ARHGAP6: variants seen among roughly 807,000 people sequenced by gnomAD.
ARHGAP6 encodes the protein rho GTPase-activating protein 6.
A neutral mutation model predicts 55.7 loss-of-function variants in ARHGAP6; 16 were observed. The observed-to-expected ratio is 0.29, with a 90% CI of 0.19 to 0.44. ARHGAP6 has a LOEUF of 0.44. Ranked by LOEUF, ARHGAP6 falls within the 20% of genes least tolerant of loss-of-function variation. The pLI is 1.00. For synonymous variants in ARHGAP6, 382 were observed against 360.9 expected (o/e 1.06, Z -0.66); for missense variants, 698 against 808.9 (o/e 0.86, Z 1.66).
chrX:11,589,294 G>A (rs1022448160), intron 1 of ARHGAP6, among the ~76,000 whole-genome samples: 20 of 108,687 alleles, frequency 1.8e-4, no homozygotes, highest in Admixed American at 9.0e-4. Context: ...CTCCCGCCTC[G>A]GCCTCCCAAA....
At chrX:11,430,958 G>A (rs1042774289) in intron 1 of ARHGAP6, among the ~76,000 whole-genome samples, 47 of 111,589 alleles carry the variant, frequency 4.2e-4, no homozygotes, top group African/African-American at 1.5e-3. Flanking sequence ...TGCATACTAT[G>A]CACAGGTATT....
At chrX:11,199,589 A>G (rs1283216021) in intron 2 of ARHGAP6, among the ~76,000 whole-genome samples, 1 of 112,526 alleles carries the variant, frequency 8.9e-6, no homozygotes, top group East Asian at 2.8e-4. Context: ...AAGCTTTTCA[A>G]AATAGTTTTG....
chrX:11,265,787 G>C, intron 1 of ARHGAP6: 1 of 926,699 alleles, frequency 1.1e-6, no homozygotes, highest in Non-Finnish European at 1.4e-6. Flanking sequence ...TATTTTTTTG[G>C]TAAAAAATGC....
At chrX:11,410,869 T>G (rs62590053) in intron 1 of ARHGAP6, among the ~76,000 whole-genome samples, 31,347 of 107,832 alleles carry the variant, frequency 0.29, 3,521 homozygotes, top group Middle Eastern at 0.46. Context: ...GCAAGAGAAT[T>G]ATAAATACAA....
At chrX:11,340,818 G>A (rs1422276416) in intron 1 of ARHGAP6, among the ~76,000 whole-genome samples, 2 of 111,552 alleles carry the variant, frequency 1.8e-5, no homozygotes, top group African/African-American at 6.5e-5. Context: ...TGGAATTACT[G>A]ATTTACTACT....
intron 1 of ARHGAP6, among the ~76,000 whole-genome samples, chrX:11,472,006 C>T (rs192027399): frequency 6.8e-4 from 76 of 112,302 alleles, no homozygotes; most frequent in Non-Finnish European, 1.0e-3. Flanking sequence ...GACAGAGCAA[C>T]GAACAAGACA....
intron 1 of ARHGAP6, among the ~76,000 whole-genome samples, chrX:11,661,956 G>A (rs765613971): frequency 3.6e-5 from 4 of 112,113 alleles, no homozygotes; most frequent in Admixed American, 9.4e-5. Context: ...TAAATACCCC[G>A]CAATACCCAG....
intron 1 of ARHGAP6, among the ~76,000 whole-genome samples, chrX:11,559,451 T>G (rs2051359981): frequency 9.0e-6 from 1 of 111,573 alleles, no homozygotes; most frequent in Non-Finnish European, 1.9e-5. Flanking sequence ...CCTCCTCCCA[T>G]AACAGTTCCT....
chrX:11,291,770 G>T (rs977016265), intron 1 of ARHGAP6, among the ~76,000 whole-genome samples: 1 of 110,956 alleles, frequency 9.0e-6, no homozygotes, highest in Non-Finnish European at 1.9e-5. Context: ...CCAAATCCTG[G>T]GGACATTTGG....
chrX:11,475,815 T>C (rs1603225582), intron 1 of ARHGAP6, among the ~76,000 whole-genome samples: 1 of 106,308 alleles, frequency 9.4e-6, no homozygotes, highest in African/African-American at 3.4e-5. Flanking sequence ...CACCACAGAC[T>C]AGGAGAAATT....
At chrX:11,538,194 T>C (rs2051122908) in intron 1 of ARHGAP6, among the ~76,000 whole-genome samples, 1 of 112,150 alleles carries the variant, frequency 8.9e-6, no homozygotes, top group Admixed American at 9.5e-5. Context: ...CAGCAACTTT[T>C]GATCTTTTTA....
At chrX:11,387,640 T>C (rs939885644) in intron 1 of ARHGAP6, among the ~76,000 whole-genome samples, 4 of 111,575 alleles carry the variant, frequency 3.6e-5, no homozygotes, top group Non-Finnish European at 7.5e-5. Flanking sequence ...GCCATGTTGG[T>C]GTGCTGCCCC....
intron 1 of ARHGAP6, among the ~76,000 whole-genome samples, chrX:11,408,032 G>T (rs1326198753): frequency 9.0e-6 from 1 of 111,312 alleles, no homozygotes; most frequent in Non-Finnish European, 1.9e-5. Context: ...TCAACAAAAT[G>T]CTGAAGGAAG....
At chrX:11,162,018 G>T (rs1304206633) in intron 9 of ARHGAP6, among the ~76,000 whole-genome samples, 1 of 111,202 alleles carries the variant, frequency 9.0e-6, no homozygotes, top group African/African-American at 3.3e-5. Context: ...TTTCCTGAAG[G>T]CAGGGATTAT....
chrX:11,324,596 T>TA (rs112848771), intron 1 of ARHGAP6, among the ~76,000 whole-genome samples: 102 of 100,325 alleles, frequency 1.0e-3, no homozygotes, highest in Admixed American at 2.1e-3. Context: ...TTACTAATCT[T>TA]AAAAAAAAAA....
chrX:11,644,058 T>C (rs1432641730), intron 1 of ARHGAP6, among the ~76,000 whole-genome samples: 2 of 111,677 alleles, frequency 1.8e-5, no homozygotes. Flanking sequence ...TACAACTTTA[T>C]CGTGGTCATA....
intron 1 of ARHGAP6, among the ~76,000 whole-genome samples, chrX:11,462,363 G>C (rs1333563770): frequency 8.9e-6 from 1 of 112,070 alleles, no homozygotes; most frequent in Non-Finnish European, 1.9e-5. Flanking sequence ...ATATCTAACT[G>C]TGTTTGTCCC....
intron 1 of ARHGAP6, among the ~76,000 whole-genome samples, chrX:11,559,965 A>AATAATAATAATAATAATAAT (rs1473901554): frequency 1.3e-5 from 1 of 78,265 alleles, no homozygotes; most frequent in African/African-American, 5.4e-5. Context: ...ATAATAATAA[A>AATAATAATAATAATAATAAT]GTAGGAATTC....
At chrX:11,522,403 G>A (rs768084145) in intron 1 of ARHGAP6, among the ~76,000 whole-genome samples, 45 of 110,915 alleles carry the variant, frequency 4.1e-4, no homozygotes, top group African/African-American at 1.1e-3. Flanking sequence ...AACTGAAGGA[G>A]ATAGAGACAC....
Sources: gnomAD v4.1 joint callset for allele counts (sites outside exome capture counted in the v4.1 genomes callset) on GRCh38, gnomAD v4.1.1 for gene constraint, MANE v1.5 for transcripts, NCBI Gene and HGNC (gene_info 2026-07-23, HGNC 2026-07-21) for gene names.